Variants in JMJD1C observed in about 807,000 individuals in gnomAD.
JMJD1C encodes jumonji domain containing 1C.
A neutral mutation model predicts 245.3 loss-of-function variants in JMJD1C; 31 were observed. The observed-to-expected ratio is 0.13, with a 90% CI of 0.09 to 0.17. JMJD1C has a LOEUF of 0.17. Ranked by LOEUF, JMJD1C falls within the 10% of genes least tolerant of loss-of-function variation. The pLI, the probability that JMJD1C is intolerant of heterozygous loss-of-function variation, is 1.00. For synonymous variants in JMJD1C, 1,057 were observed against 1,017.4 expected (o/e 1.04, Z -0.74); for missense variants, 2,691 against 3,000.2 (o/e 0.90, Z 2.41).
In JMJD1C at chr10:63,191,092, G is replaced by A. The variant is rs775487533; in HGVS notation, c.6093C>T (p.Thr2031=). The change falls in exon 17 of 26, where the codon ACC becomes ACT. Residue 2031 remains threonine, a synonymous_variant. Transcript: ENST00000399262. Reference sequence around the variant, plus strand: ...TTTCTTCTTTAATTTGGTTTTCAAGGGTAAGTTCTTTGTTTTCTGAAATAG... The same window carrying A: ...TTTCTTCTTTAATTTGGTTTTCAAGAGTAAGTTCTTTGTTTTCTGAAATAG... ...REEKKENKEL[T]LENQIKEERE... The A allele has an allele frequency of 9.9e-6, 16 of 1,612,088 alleles. No homozygotes were observed. Among genetic ancestry groups the A allele is most frequent in the East Asian group, 8.9e-5 (4 of 44,880 alleles).
chr10:63,279,628 G>C (rs974272186), intron 2 of JMJD1C, among the ~76,000 whole-genome samples: 41 of 152,148 alleles, frequency 2.7e-4, no homozygotes, highest in Admixed American at 2.6e-3. Flanking sequence ...AATTAGCTGG[G>C]CATGGTGGCA....
intron 17 of JMJD1C, among the ~76,000 whole-genome samples, chr10:63,189,964 C>T (rs1351233873): frequency 6.6e-6 from 1 of 151,112 alleles, no homozygotes; most frequent in African/African-American, 2.4e-5. Context: ...GATCTCAGCT[C>T]ACTACAAGCT....
At chr10:63,417,112 G>C (rs892261970) in intron 1 of JMJD1C, among the ~76,000 whole-genome samples, 1 of 151,946 alleles carries the variant, frequency 6.6e-6, no homozygotes, top group Non-Finnish European at 1.5e-5. Context: ...AGTCACTGAC[G>C]GCACCTACTT....
upstream of JMJD1C, among the ~76,000 whole-genome samples, chr10:63,470,412 G>A (rs1310630543): frequency 6.6e-6 from 1 of 152,108 alleles, no homozygotes; most frequent in Non-Finnish European, 1.5e-5. Flanking sequence ...AATGTCTTAT[G>A]TACATTATCT....
At chr10:63,265,836 G>C (rs189015316) in intron 2 of JMJD1C, among the ~76,000 whole-genome samples, 1 of 152,246 alleles carries the variant, frequency 6.6e-6, no homozygotes, top group Non-Finnish European at 1.5e-5. Flanking sequence ...TTTTGGCATA[G>C]ACAGTACAAA....
intron 1 of JMJD1C, among the ~76,000 whole-genome samples, chr10:63,414,903 T>C (rs1300414904): frequency 1.5e-5 from 2 of 129,666 alleles, no homozygotes; most frequent in Non-Finnish European, 3.2e-5. Context: ...CAAGACTCTA[T>C]CTCAAAAAAA....
intron 1 of JMJD1C, among the ~76,000 whole-genome samples, chr10:63,413,556 T>C (rs767663191): frequency 6.6e-6 from 1 of 152,198 alleles, no homozygotes; most frequent in Non-Finnish European, 1.5e-5. Flanking sequence ...TAAACTTCTT[T>C]CTGGTGGGGG....
chr10:63,179,955 A>G (rs912380696), intron 22 of JMJD1C, among the ~76,000 whole-genome samples: 4 of 152,132 alleles, frequency 2.6e-5, no homozygotes, highest in Non-Finnish European at 5.9e-5. Context: ...TGTGACAGTA[A>G]TGTCTATTTT....
intron 3 of JMJD1C, among the ~76,000 whole-genome samples, chr10:63,261,875 T>C (rs1312327216): frequency 6.6e-6 from 1 of 152,126 alleles, no homozygotes. Context: ...CTGAAAACAT[T>C]TAATTAGATT....
chr10:63,385,430 T>TGC (rs1947518408), intron 1 of JMJD1C, among the ~76,000 whole-genome samples: 1 of 137,806 alleles, frequency 7.3e-6, no homozygotes, highest in African/African-American at 2.7e-5. Flanking sequence ...TTTTTTTTTT[T>TGC]TTTTTTTTTT....
Position 63,262,202 on chromosome 10 carries a change from A to G in JMJD1C, c.447+2449T>C, listed in dbSNP as rs116710895. 2.0e-3 allele frequency among the ~76,000 whole-genome samples: 300 copies of G among 152,334 alleles called. 1 individual carries two copies. Among genetic ancestry groups the G allele is most frequent in the African/African-American group, 7.0e-3 (293 of 41,588 alleles). On this transcript the variant is annotated intron_variant, in intron 3 of 25. Coordinates refer to ENST00000399262, the MANE Select transcript of JMJD1C (RefSeq NM_032776.3). ...TGCCAGTAACAGCTGCCATTTTAAG[A>G]AGCTAAGGAATTTAATGTACTGCTT...
chr10:63,501,742 C>T (rs770678979), intron 1 of JMJD1C, among the ~76,000 whole-genome samples: 4 of 152,036 alleles, frequency 2.6e-5, no homozygotes, highest in Non-Finnish European at 5.9e-5. Flanking sequence ...CGCCACTGCA[C>T]TCCAGCCTGG....
chr10:63,197,714 T>C (rs1210281920), intron 12 of JMJD1C, 151 bp from the exon 13 acceptor site: 1 of 608,250 alleles, frequency 1.6e-6, no homozygotes, highest in African/African-American at 1.9e-5. Context: ...CTTGAAGTAA[T>C]TTGTAATTCT....
At chr10:63,333,429 G>A (rs1310896170) in intron 2 of JMJD1C, among the ~76,000 whole-genome samples, 1 of 152,012 alleles carries the variant, frequency 6.6e-6, no homozygotes, top group Non-Finnish European at 1.5e-5. Context: ...GGTGGCTGTG[G>A]TCCCAATGAC....
chr10:63,483,597 TAAC>T (rs1001588494), intron 1 of JMJD1C, among the ~76,000 whole-genome samples: 4 of 152,234 alleles, frequency 2.6e-5, no homozygotes, highest in Admixed American at 2.6e-4. Context: ...AGCATTATAA[TAAC>T]AACCAACTTT....
chr10:63,277,473 C>G (rs1856910522), intron 2 of JMJD1C, among the ~76,000 whole-genome samples: 1 of 152,114 alleles, frequency 6.6e-6, no homozygotes, highest in Non-Finnish European at 1.5e-5. Context: ...TAAAGTAGAT[C>G]TCCTTTATAG....
At chr10:63,372,512 T>C (rs1174434962) in intron 2 of JMJD1C, among the ~76,000 whole-genome samples, 1 of 152,222 alleles carries the variant, frequency 6.6e-6, no homozygotes, top group African/African-American at 2.4e-5. Flanking sequence ...TGTTTAAAAT[T>C]GGTAACTCAC....
chr10:63,365,728 T>A (rs541292050), intron 2 of JMJD1C, among the ~76,000 whole-genome samples: 2 of 152,350 alleles, frequency 1.3e-5, no homozygotes, highest in South Asian at 2.1e-4. Context: ...ACCTTTCTTT[T>A]CTTACTGGAA....
At chr10:63,387,331 C>T (rs1947687158) in intron 1 of JMJD1C, among the ~76,000 whole-genome samples, 1 of 151,808 alleles carries the variant, frequency 6.6e-6, no homozygotes, top group Admixed American at 6.6e-5. Flanking sequence ...CAACAGATTC[C>T]AATCAAAAAG....
Sources: allele counts gnomAD v4.1 joint callset (sites outside exome capture counted in the v4.1 genomes callset), GRCh38; gene constraint gnomAD v4.1.1; transcripts MANE v1.5; gene names NCBI Gene and HGNC (gene_info 2026-07-23, HGNC 2026-07-21).